The following MTMR12 variants were observed in gnomAD, a reference collection of about 807,000 sequenced individuals.
The protein encoded by MTMR12 is myotubularin-related protein 12.
MTMR12 carries 33 observed loss-of-function variants against 96.7 expected under a neutral mutation model. The ratio of observed to expected loss-of-function variants is 0.34; its 90% CI spans 0.26 to 0.46. The LOEUF (loss-of-function observed/expected upper bound fraction) is 0.46. MTMR12 is among the 20% of genes least tolerant of loss of function. The pLI is 1.00. For missense variants in MTMR12, 721 were observed against 896.1 expected (o/e 0.80, Z 2.49); for synonymous variants, 298 against 327.2 (o/e 0.91, Z 0.96).
Position 32,229,537 on chromosome 5 carries a change from C to T in MTMR12, c.*241G>A, listed in dbSNP as rs570075399. 4.6e-5 allele frequency: 17 copies of T among 366,698 alleles called. No homozygotes were observed. Among genetic ancestry groups the T allele is most frequent in the Non-Finnish European group, 7.2e-5 (15 of 208,462 alleles). The allele number at this position is 366,698 out of a possible 1,614,324, so 22.7% of individuals were successfully genotyped here. ...TAGGCATCAGAAAACGGCCACAACC[C>T]TATTACGGGTCAAGTAATAATTCCT... On this transcript the variant is annotated 3_prime_UTR_variant, in exon 16 of 16. Transcript: ENST00000382142.
intron 1 of MTMR12, among the ~76,000 whole-genome samples, chr5:32,299,127 G>A (rs1402311078): frequency 6.6e-6 from 1 of 151,908 alleles, no homozygotes; most frequent in African/African-American, 2.4e-5. Flanking sequence ...GGGTGGTGAG[G>A]AATAATAGCA....
chr5:32,267,584 C>T (rs1453182609), intron 6 of MTMR12, among the ~76,000 whole-genome samples: 1 of 152,146 alleles, frequency 6.6e-6, no homozygotes, highest in Non-Finnish European at 1.5e-5. Flanking sequence ...CAAGTTTTGT[C>T]TTACTAAATT....
At chr5:32,231,076 A>G (rs1747977052) in intron 15 of MTMR12, among the ~76,000 whole-genome samples, 1 of 152,124 alleles carries the variant, frequency 6.6e-6, no homozygotes, top group Non-Finnish European at 1.5e-5. Flanking sequence ...GCAGAGTATT[A>G]TATTTGGGGG....
chr5:32,248,996 C>T (rs1169327742), intron 8 of MTMR12, 118 bp from the exon 9 acceptor site: 1 of 747,446 alleles, frequency 1.3e-6, no homozygotes, highest in African/African-American at 1.7e-5. Flanking sequence ...AATGGCTGGA[C>T]ATACTTAACT....
At chr5:32,285,096 G>A (rs1750476819) in intron 1 of MTMR12, among the ~76,000 whole-genome samples, 2 of 152,064 alleles carry the variant, frequency 1.3e-5, no homozygotes, top group Non-Finnish European at 2.9e-5. Flanking sequence ...AGTGGCTCAC[G>A]CCTGTAATCC....
intron 1 of MTMR12, among the ~76,000 whole-genome samples, chr5:32,295,560 G>A (rs1581641847): frequency 6.6e-6 from 1 of 152,180 alleles, no homozygotes; most frequent in African/African-American, 2.4e-5. Context: ...GGGCTACTTG[G>A]AAACTCAACA....
In MTMR12 at chr5:32,239,147, G is replaced by T. The variant is rs751923774; in HGVS notation, c.1198C>A (p.Leu400Ile). Reference sequence around the variant, plus strand: ...ATCAGTTGCACCAGAGAGGAAATGAGACAGCAGAGGTCGGATGCATTCTCC... The same window carrying T: ...ATCAGTTGCACCAGAGAGGAAATGATACAGCAGAGGTCGGATGCATTCTCC... The part of the protein sequence containing the change: ...LEENASDLCC[L>I]ISSLVQLMMD... Residue 400 changes from leucine (L) to isoleucine (I), a missense_variant, in exon 13 of 16, where the codon CTC (leucine) becomes ATC (isoleucine). Physicochemically the swap from Leu to Ile is conservative, Grantham distance 5. Coordinates refer to ENST00000382142, the MANE Select transcript of MTMR12 (RefSeq NM_001040446.3). 10 of 1,604,940 alleles carry T rather than the reference G, an allele frequency of 6.2e-6. No homozygotes were observed. In the South Asian group the frequency reaches 1.1e-4, roughly 18 times the overall value.
intron 2 of MTMR12, 119 bp downstream of exon 2, chr5:32,276,563 T>C: frequency 2.5e-6 from 2 of 810,490 alleles, no homozygotes; most frequent in South Asian, 3.4e-5. Flanking sequence ...TTTCAATTCA[T>C]TACTGTTATA....
In MTMR12 at chr5:32,227,347, A is replaced by C. The variant is rs984285119; in HGVS notation, c.*2431T>G. On this transcript the variant is annotated 3_prime_UTR_variant, in exon 16 of 16. Transcript: ENST00000382142. The stretch of plus-strand genomic sequence containing the variant: ...CAATCTCAGATAAAAATTTCACAAT[A>C]TATAAATCCATTGAGAATTCTGTAC... 7 of 152,656 alleles carry C rather than the reference A, an allele frequency of 4.6e-5. No homozygotes were observed. The East Asian group carries it at 1.3e-3, about 29-fold the overall frequency. The allele number at this position is 152,656 out of a possible 1,614,324, so 9.5% of individuals were successfully genotyped here.
In MTMR12 at chr5:32,229,256, A is replaced by G. The variant is rs1747894027; in HGVS notation, c.*522T>C. On this transcript the variant is annotated 3_prime_UTR_variant, in exon 16 of 16. Coordinates refer to ENST00000382142, the MANE Select transcript of MTMR12 (RefSeq NM_001040446.3). ...GTGTTTTACAGGCAAGGGGGCGTAG[A>G]AAGAAAAAAATGTGATGGTTTAAGT... 1 of 152,414 alleles carries G rather than the reference A, an allele frequency of 6.6e-6. No individual in the cohort carries two copies. The highest frequency in any genetic ancestry group is 2.4e-5 in the African/African-American group (1 of 41,456). The allele number at this position is 152,414 out of a possible 1,614,324, so 9.4% of individuals were successfully genotyped here.
In MTMR12 at chr5:32,271,965, CA is replaced by C. The variant is rs1749853544; in HGVS notation, c.286-61del. 2.9e-6 allele frequency: 3 copies of C among 1,018,298 alleles called. No individual in the cohort carries two copies. The Admixed American group carries it at 8.4e-5, about 28-fold the overall frequency. 63.1% of individuals were successfully genotyped at this position (1,018,298 alleles called of 1,614,324 possible). On this transcript the variant is annotated intron_variant, in intron 3 of 15. Coordinates refer to ENST00000382142, the MANE Select transcript of MTMR12 (RefSeq NM_001040446.3). ...CTGCATACTGTTAGACATTTATAGG[CA>C]GAGTAAATCACCATTCTCTACTTGG...
chr5:32,265,232 T>A (rs1285757040), intron 6 of MTMR12, among the ~76,000 whole-genome samples: 2 of 152,218 alleles, frequency 1.3e-5, no homozygotes, highest in Admixed American at 1.3e-4. Context: ...GTTATAACCT[T>A]TACTTCTCAA....
At chr5:32,272,265 T>G (rs1457446658) in intron 3 of MTMR12, among the ~76,000 whole-genome samples, 1 of 151,602 alleles carries the variant, frequency 6.6e-6, no homozygotes, top group Non-Finnish European at 1.5e-5. Context: ...CACTTCAGCC[T>G]GGGTGACAGA....
intron 6 of MTMR12, among the ~76,000 whole-genome samples, chr5:32,267,609 C>G (rs1749652042): frequency 6.6e-6 from 1 of 152,114 alleles, no homozygotes; most frequent in Non-Finnish European, 1.5e-5. Context: ...GCTGGATGTG[C>G]TCTTCTTATG....
rs1287423242 is a variant in MTMR12, at chr5:32,233,988, AAC to A, written c.1513-56_1513-55del. On this transcript the variant is annotated intron_variant, in intron 14 of 15. Transcript: ENST00000382142. The surrounding 1 kb of genome is among the most constrained non-coding windows in gnomAD (Gnocchi z 5.0). ...TTTCCAGGGAGGGCTGAGGAAGGCA[AAC>A]ACATACTTCTGGACACAGGCACCAG... 49 of 1,604,192 alleles carry A rather than the reference AAC, an allele frequency of 3.1e-5. No homozygotes were observed. The highest frequency in any genetic ancestry group is 4.2e-5 in the Non-Finnish European group (49 of 1,172,360).
At chr5:32,243,881 T>TA (rs1340371669) in intron 10 of MTMR12, among the ~76,000 whole-genome samples, 1 of 152,204 alleles carries the variant, frequency 6.6e-6, no homozygotes, top group African/African-American at 2.4e-5. Flanking sequence ...GTTCATCCTG[T>TA]AGGTCGACAG....
intron 6 of MTMR12, among the ~76,000 whole-genome samples, chr5:32,268,228 C>G (rs887459173): frequency 2.0e-5 from 3 of 152,000 alleles, no homozygotes; most frequent in Non-Finnish European, 1.5e-5. Context: ...TCACAGGAAG[C>G]CTGGCCCAGT....
At chr5:32,271,949 G>A (rs1749852829) in intron 3 of MTMR12, 44 bp from the exon 4 acceptor site, 3 of 1,186,912 alleles carry the variant, frequency 2.5e-6, no homozygotes, top group Non-Finnish European at 3.6e-6. Context: ...TCTGCATACT[G>A]TTAGACATTT....
chr5:32,262,524 CGA>C (rs1749403868), intron 7 of MTMR12, among the ~76,000 whole-genome samples: 1 of 151,818 alleles, frequency 6.6e-6, no homozygotes. Context: ...TCACTTGAGC[CGA>C]GACGGAGGTT....
Sources: allele counts gnomAD v4.1 joint callset (sites outside exome capture counted in the v4.1 genomes callset), GRCh38; gene constraint gnomAD v4.1.1; non-coding constraint Gnocchi (gnomAD v3.1); transcripts MANE v1.5; gene names NCBI Gene and HGNC (gene_info 2026-07-23, HGNC 2026-07-21).